TNS1: variants seen among roughly 807,000 people sequenced by gnomAD.
TNS1 encodes the protein tensin 1, also known as tensin-1.
In TNS1, 62 loss-of-function variants were observed where a neutral mutation model predicts 168.6. The ratio of observed to expected loss-of-function variants is 0.37; its 90% confidence interval spans 0.30 to 0.45. The LOEUF (loss-of-function observed/expected upper bound fraction) is 0.45, where lower values mean the gene tolerates loss of function less well. TNS1 is among the 20% of genes least tolerant of loss of function. The probability of loss-of-function intolerance (pLI) is 1.00; values close to 1 mark genes in which losing one functional copy is unlikely to be tolerated. For synonymous variants in TNS1, 934 were observed against 933.2 expected (o/e 1.00, Z -0.02); for missense variants, 2,240 against 2,339.4 (o/e 0.96, Z 0.88).
intron 3 of TNS1, among the ~76,000 whole-genome samples, chr2:217,963,606 G>A (rs1379349414): frequency 1.3e-5 from 2 of 152,088 alleles, no homozygotes; most frequent in Non-Finnish European, 2.9e-5. Context: ...AGCTAGATAA[G>A]AATAATTCCA....
intron 3 of TNS1, among the ~76,000 whole-genome samples, chr2:217,921,330 G>T (rs1315648954): frequency 6.6e-6 from 1 of 152,122 alleles, no homozygotes; most frequent in African/African-American, 2.4e-5. Context: ...CCAAAGAGGG[G>T]GTAGCTGCCT....
At chr2:217,829,762 C>T in intron 22 of TNS1, 1 of 1,539,940 alleles carries the variant, frequency 6.5e-7, no homozygotes, top group Non-Finnish European at 8.9e-7. Context: ...AGAGAGCTGC[C>T]TCCAGCCAGC....
intron 18 of TNS1, among the ~76,000 whole-genome samples, chr2:217,852,604 C>A (rs921229873): frequency 6.6e-6 from 1 of 152,226 alleles, no homozygotes; most frequent in Non-Finnish European, 1.5e-5. Flanking sequence ...ATGAAGGCAT[C>A]CCCCAGGCAG....
At chr2:218,027,740 A>G (rs1412343018) in intron 1 of TNS1, among the ~76,000 whole-genome samples, 3 of 152,184 alleles carry the variant, frequency 2.0e-5, no homozygotes, top group Admixed American at 2.0e-4. Flanking sequence ...GGATAGGGAA[A>G]GAGAAGGTGG....
upstream of TNS1, among the ~76,000 whole-genome samples, chr2:218,007,652 AACTGGCTCCCT>A (rs201691449): frequency 0.014 from 2,060 of 151,976 alleles, 52 homozygotes; most frequent in African/African-American, 0.046. Flanking sequence ...GGATGAGACC[AACTGGCTCCCT>A]AGTGGCTCCA....
chr2:217,909,584 C>CACACACAT (rs1439800763), intron 4 of TNS1, among the ~76,000 whole-genome samples: 1 of 151,788 alleles, frequency 6.6e-6, no homozygotes, highest in African/African-American at 2.4e-5. Context: ...CACACACACA[C>CACACACAT]ACACACACAC....
intron 6 of TNS1, chr2:217,905,272 A>C: frequency 2.9e-6 from 1 of 345,416 alleles, no homozygotes; most frequent in Non-Finnish European, 5.9e-6. Context: ...TGAGTACCCC[A>C]CGCCCAGGGG....
chr2:217,834,583 C>T (rs910940159), intron 21 of TNS1, among the ~76,000 whole-genome samples: 4 of 152,122 alleles, frequency 2.6e-5, no homozygotes, highest in Admixed American at 1.3e-4. Flanking sequence ...GGGCTAAATG[C>T]CTCTGCCTGG....
intron 11 of TNS1, among the ~76,000 whole-genome samples, chr2:217,892,165 T>G (rs1022564395): frequency 5.3e-5 from 8 of 152,194 alleles, no homozygotes; most frequent in African/African-American, 1.9e-4. Flanking sequence ...TGGCACCATC[T>G]TGGCTTACTG....
At chr2:217,926,366 T>C (rs1182142616) in intron 3 of TNS1, among the ~76,000 whole-genome samples, 1 of 152,248 alleles carries the variant, frequency 6.6e-6, no homozygotes, top group Non-Finnish European at 1.5e-5. Context: ...TTTTTAAGGC[T>C]GAATACTGTT....
chr2:217,826,565 A>T (rs1943649395), intron 22 of TNS1, among the ~76,000 whole-genome samples: 2 of 152,174 alleles, frequency 1.3e-5, no homozygotes, highest in Non-Finnish European at 2.9e-5. Context: ...TTTCCTGCCA[A>T]TTCCAGGCCC....
At chr2:218,008,671 C>A (rs192260894) in intron 1 of TNS1, among the ~76,000 whole-genome samples, 1 of 152,202 alleles carries the variant, frequency 6.6e-6, no homozygotes. Flanking sequence ...TTCCCCACTG[C>A]GGAACAGCAG....
chr2:217,883,620 G>A (rs910695408), intron 16 of TNS1, among the ~76,000 whole-genome samples: 4 of 152,198 alleles, frequency 2.6e-5, no homozygotes, highest in Admixed American at 6.5e-5. Flanking sequence ...CTCCCACTAC[G>A]TAAGAGGAGG....
rs559570552 is a variant in TNS1, at chr2:217,986,434, C to G, written c.148+4508G>C. Among the ~76,000 whole-genome samples the G allele has an allele frequency of 2.2e-4, 34 of 152,354 alleles. No individual in the cohort carries two copies. Among genetic ancestry groups the G allele is most frequent in the African/African-American group, 6.5e-4 (27 of 41,586 alleles). On this transcript the variant is annotated intron_variant, in intron 2 of 32. Coordinates refer to ENST00000682258, the MANE Select transcript of TNS1 (RefSeq NM_001387777.1). The surrounding 1 kb of genome is among the most constrained non-coding windows in gnomAD (Gnocchi z 4.7). ...GTGAAGTTTTATCCAAGTCTGGGCC[C>G]CAGATCAGGCCCTGATGGCAGCCCT...
intron 3 of TNS1, among the ~76,000 whole-genome samples, chr2:217,978,311 G>T (rs1166814499): frequency 6.6e-6 from 1 of 152,048 alleles, no homozygotes; most frequent in Non-Finnish European, 1.5e-5. Context: ...CCACCCACCC[G>T]CTTCTCCTGC....
intron 7 of TNS1, among the ~76,000 whole-genome samples, chr2:217,899,743 A>G (rs1952734712): frequency 6.6e-6 from 1 of 152,188 alleles, no homozygotes; most frequent in Non-Finnish European, 1.5e-5. Flanking sequence ...GGACAGCCTC[A>G]GCATCACACT....
At chr2:218,004,641 G>A (rs1958639279), upstream of TNS1, among the ~76,000 whole-genome samples, 1 of 152,230 alleles carries the variant, frequency 6.6e-6, no homozygotes, top group Admixed American at 6.5e-5. Context: ...AGAAGTCAGG[G>A]GAGGACACTG....
chr2:217,898,885 C>T (rs1952617001), intron 7 of TNS1, among the ~76,000 whole-genome samples: 1 of 152,206 alleles, frequency 6.6e-6, no homozygotes, highest in Admixed American at 6.5e-5. Flanking sequence ...GGGAAGCCCA[C>T]CTCTTGCTTC....
chr2:217,879,082 G>A (rs769249485), intron 18 of TNS1, among the ~76,000 whole-genome samples: 18 of 152,152 alleles, frequency 1.2e-4, no homozygotes, highest in Admixed American at 3.3e-4. Flanking sequence ...TCTCGGCTCT[G>A]CTGTCCCTGG....
Sources: allele counts gnomAD v4.1 joint callset (sites outside exome capture counted in the v4.1 genomes callset), GRCh38; gene constraint gnomAD v4.1.1; non-coding constraint Gnocchi (gnomAD v3.1); transcripts MANE v1.5; gene names NCBI Gene and HGNC (gene_info 2026-07-23, HGNC 2026-07-21).